The following CAMTA1 variants were observed in gnomAD, a reference collection of about 807,000 sequenced individuals.
The protein encoded by CAMTA1 is calmodulin-binding transcription activator 1.
In CAMTA1, 27 loss-of-function variants were observed where a neutral mutation model predicts 170.9. The observed-to-expected ratio is 0.16, with a 90% CI of 0.12 to 0.22. CAMTA1 has a LOEUF of 0.22. Among genes scored for constraint, CAMTA1 ranks in the 10% least tolerant of loss-of-function variants. CAMTA1 has a pLI of 1.00. For synonymous variants in CAMTA1, 833 were observed against 891.5 expected, an observed-to-expected ratio of 0.93 and a Z score of 1.17; for missense variants, 1,619 against 2,217.2, an observed-to-expected ratio of 0.73 and a Z score of 5.42.
intron 7 of CAMTA1, among the ~76,000 whole-genome samples, chr1:7,648,530 T>A (rs1235655759): frequency 6.6e-6 from 1 of 152,154 alleles, no homozygotes; most frequent in Non-Finnish European, 1.5e-5. Context: ...GAGGGACTCT[T>A]TCTGGCCAGC....
intron 3 of CAMTA1, among the ~76,000 whole-genome samples, chr1:6,913,876 G>T (rs1186431380): frequency 6.6e-6 from 1 of 152,096 alleles, no homozygotes; most frequent in African/African-American, 2.4e-5. Context: ...AGCAGGTAAT[G>T]ATGAATTTGG....
intron 6 of CAMTA1, among the ~76,000 whole-genome samples, chr1:7,505,053 C>G (rs563379356): frequency 6.6e-6 from 1 of 151,400 alleles, no homozygotes; most frequent in Admixed American, 6.6e-5. Flanking sequence ...ATGGGCACAG[C>G]TGGGCAGGAG....
At chr1:6,973,226 C>A (rs549612809) in intron 3 of CAMTA1, among the ~76,000 whole-genome samples, 2 of 152,300 alleles carry the variant, frequency 1.3e-5, no homozygotes, top group South Asian at 2.1e-4. Flanking sequence ...ATCTCCAGGA[C>A]GAACTCATCT....
At position 7,146,824 on chromosome 1, in the gene CAMTA1, C is replaced by T. The variant is rs1646216595; in HGVS notation, c.302+55453C>T. ...CAAATATACACCATGTGCACACACA[C>T]CACACACACATATACCATGCACACA... On this transcript the variant is annotated intron_variant, in intron 4 of 22. Transcript: ENST00000303635. The surrounding 1 kb of genome is among the most constrained non-coding windows in gnomAD (Gnocchi z 4.3). Among the ~76,000 whole-genome samples, 1 of 151,434 alleles carries T rather than the reference C, an allele frequency of 6.6e-6. No homozygotes were observed. The highest frequency in any genetic ancestry group is 2.1e-4 in the South Asian group (1 of 4,804).
chr1:7,568,615 TCATCAC>T (rs1246178483), intron 6 of CAMTA1, among the ~76,000 whole-genome samples: 2 of 145,250 alleles, frequency 1.4e-5, no homozygotes, highest in East Asian at 4.2e-4. Flanking sequence ...ATCACCATCA[TCATCAC>T]CATCACATCA....
At chr1:7,406,535 A>G (rs1172359819) in intron 5 of CAMTA1, among the ~76,000 whole-genome samples, 1 of 152,096 alleles carries the variant, frequency 6.6e-6, no homozygotes. Context: ...ACCATCTTCA[A>G]TTGCTCACAT....
intron 3 of CAMTA1, among the ~76,000 whole-genome samples, chr1:6,955,768 C>T (rs930846752): frequency 3.9e-5 from 6 of 152,228 alleles, no homozygotes; most frequent in African/African-American, 1.4e-4. Context: ...CATTTTGTTG[C>T]TTGTGGAGCA....
intron 3 of CAMTA1, among the ~76,000 whole-genome samples, chr1:7,049,959 T>C (rs1706047908): frequency 6.6e-6 from 1 of 152,074 alleles, no homozygotes; most frequent in Non-Finnish European, 1.5e-5. Flanking sequence ...GGAGTAAATG[T>C]CACGAGCCCA....
intron 5 of CAMTA1, among the ~76,000 whole-genome samples, chr1:7,410,933 GTGTA>G (rs2090677776): frequency 6.6e-6 from 1 of 151,738 alleles, no homozygotes; most frequent in Non-Finnish European, 1.5e-5. Flanking sequence ...GTATGTCTGT[GTGTA>G]TGTGTGTATA....
At chr1:7,012,427 G>A (rs1019227676) in intron 3 of CAMTA1, among the ~76,000 whole-genome samples, 7 of 152,022 alleles carry the variant, frequency 4.6e-5, no homozygotes, top group African/African-American at 7.3e-5. Flanking sequence ...TTCTGGCACC[G>A]GTCTTTCTCT....
chr1:7,559,662 T>C (rs1241189814), intron 6 of CAMTA1, among the ~76,000 whole-genome samples: 1 of 152,044 alleles, frequency 6.6e-6, no homozygotes, highest in Non-Finnish European at 1.5e-5. Flanking sequence ...GCTCTGAGCC[T>C]GCGCCTGTCA....
rs560019567 is a variant in CAMTA1, at chr1:7,708,206, C to T, written c.2915-24242C>T. ...ATTAGCCAGGTGTGGCGTTGCATGC[C>T]TACAGTCCCAGCTACTCAGGAGGCT... On this transcript the variant is annotated intron_variant, in intron 11 of 22. Transcript: ENST00000303635. 5.3e-5 allele frequency among the ~76,000 whole-genome samples: 8 copies of T among 152,164 alleles called. No individual in the cohort carries two copies. The East Asian group carries it at 1.5e-3, about 29-fold the overall frequency.
chr1:7,079,192 T>A (rs1639692838), intron 3 of CAMTA1, among the ~76,000 whole-genome samples: 2 of 152,190 alleles, frequency 1.3e-5, no homozygotes. Context: ...GTAACAACAT[T>A]TCTGGAGTAA....
intron 6 of CAMTA1, among the ~76,000 whole-genome samples, chr1:7,552,424 A>G (rs1395415422): frequency 1.3e-5 from 2 of 152,210 alleles, no homozygotes; most frequent in East Asian, 3.8e-4. Context: ...TTCACTGGGA[A>G]CAGTGGATGT....
chr1:7,257,076 C>CGGA (rs1553291544), intron 5 of CAMTA1, among the ~76,000 whole-genome samples: 6 of 135,134 alleles, frequency 4.4e-5, no homozygotes, highest in Non-Finnish European at 6.5e-5. Context: ...CATCGCATGG[C>CGGA]GGGGGCGGGG....
intron 3 of CAMTA1, among the ~76,000 whole-genome samples, chr1:7,021,370 C>T (rs971546931): frequency 1.3e-5 from 2 of 152,172 alleles, no homozygotes; most frequent in Non-Finnish European, 2.9e-5. Context: ...CGGGGGAATG[C>T]ACAGATGTGC....
intron 5 of CAMTA1, among the ~76,000 whole-genome samples, chr1:7,349,973 G>T (rs1003925176): frequency 4.6e-5 from 7 of 152,136 alleles, no homozygotes; most frequent in Non-Finnish European, 7.4e-5. Flanking sequence ...GAAGAGGGAT[G>T]GGGTCTCAGC....
intron 6 of CAMTA1, among the ~76,000 whole-genome samples, chr1:7,574,892 C>T (rs973493137): frequency 6.6e-6 from 1 of 152,196 alleles, no homozygotes; most frequent in Non-Finnish European, 1.5e-5. Context: ...GAGGTCCGTG[C>T]CCCAACCCCA....
chr1:7,378,591 C>T (rs756041803), intron 5 of CAMTA1, among the ~76,000 whole-genome samples: 12 of 146,980 alleles, frequency 8.2e-5, no homozygotes, highest in African/African-American at 1.7e-4. Flanking sequence ...TGCCTGGGGC[C>T]GGGGGCAGGG....
Sources: gnomAD v4.1 joint callset for allele counts (sites outside exome capture counted in the v4.1 genomes callset) on GRCh38, gnomAD v4.1.1 for gene constraint, Gnocchi (gnomAD v3.1) non-coding constraint, MANE v1.5 for transcripts, NCBI Gene and HGNC (gene_info 2026-07-23, HGNC 2026-07-21) for gene names.